The following KLHL10 variants were observed in gnomAD, a reference collection of about 807,000 sequenced individuals.
KLHL10 encodes kelch like family member 10, also known as kelch-like protein 10.
Under a neutral mutation model 46.6 loss-of-function variants are expected in KLHL10, and 11 were observed. That is an observed-to-expected ratio of 0.24 (90% confidence interval 0.15 to 0.39). The LOEUF (loss-of-function observed/expected upper bound fraction) is 0.39, where lower values mean the gene tolerates loss of function less well. Among genes scored for constraint, KLHL10 ranks in the 10% least tolerant of loss-of-function variants. KLHL10 has a pLI of 1.00. For missense variants in KLHL10, 475 were observed against 789.8 expected (o/e 0.60, Z 4.78); for synonymous variants, 254 against 279.1 (o/e 0.91, Z 0.90).
chr17:41,835,814 C>T (rs781997906), upstream of KLHL10: 49 of 1,542,762 alleles, frequency 3.2e-5, no homozygotes, highest in East Asian at 1.0e-3. Context: ...GGAAGCCTCT[C>T]CAGCCGCCCC....
Position 41,842,196 on chromosome 17 carries a change from A to T in KLHL10, c.568A>T (p.Ile190Phe), listed in dbSNP as rs781985566. The change falls in exon 2 of 5, where the codon ATT (isoleucine) becomes TTT (phenylalanine). Residue 190 changes from isoleucine (I) to phenylalanine (F), a missense_variant. Transcript: ENST00000293303. The stretch of plus-strand genomic sequence containing the variant: ...CTCGGTCACTGAACTTAAGGATATC[A>T]TTGAGAAAGATGAGCTCAATGTCAA... ...ELSVTELKDI[I>F]EKDELNVKQE... 4 of 1,613,956 alleles carry T rather than the reference A, an allele frequency of 2.5e-6. No homozygotes were observed. Among genetic ancestry groups the T allele is most frequent in the Non-Finnish European group, 2.5e-6 (3 of 1,179,866 alleles).
chr17:41,846,867 C>A (rs1355765918), intron 3 of KLHL10, among the ~76,000 whole-genome samples: 1 of 152,138 alleles, frequency 6.6e-6, no homozygotes, highest in Non-Finnish European at 1.5e-5. Context: ...GTAATCCTAG[C>A]ACTTTGGGAG....
rs1555620345 is a variant in KLHL10, at chr17:41,837,954, G to A, written c.22G>A (p.Ala8Thr). Residue 8 changes from alanine (A) to threonine (T), a missense_variant, in exon 1 of 5, where the codon GCC (alanine) becomes ACC (threonine). Coordinates refer to ENST00000293303, the MANE Select transcript of KLHL10 (RefSeq NM_152467.5). Reference protein sequence around the residue: MEMESAAASTRFHQPHME... With the variant: MEMESAATSTRFHQPHME... ...TGCCATGGAGATGGAGAGCGCGGCG[G>A]CCTCCACACGTTTCCACCAGCCTCA... The A allele has an allele frequency of 1.9e-6, 3 of 1,614,018 alleles. No homozygotes were observed. Among genetic ancestry groups the A allele is most frequent in the Non-Finnish European group, 2.5e-6 (3 of 1,180,012 alleles).
At chr17:41,838,209 C>T (rs1555620398) in intron 1 of KLHL10, 83 bp downstream of exon 1, 3 of 1,224,452 alleles carry the variant, frequency 2.5e-6, no homozygotes, top group Non-Finnish European at 3.6e-6. Flanking sequence ...TTTCCCACCC[C>T]ATCACCTTAA....
At chr17:41,839,860 G>A (rs2048208744) in intron 1 of KLHL10, among the ~76,000 whole-genome samples, 1 of 150,090 alleles carries the variant, frequency 6.7e-6, no homozygotes, top group Non-Finnish European at 1.5e-5. Context: ...TTACAGCTGT[G>A]TGCCACCACA....
chr17:41,836,182 C>G (rs1181226900), upstream of KLHL10: 14 of 1,280,114 alleles, frequency 1.1e-5, no homozygotes, highest in Non-Finnish European at 1.2e-5. Context: ...CCCTCCTCAC[C>G]TCCTCTGCCA....
rs527556013 is a variant in KLHL10 at position 41,840,847 on chromosome 17, G to A, written c.195-976G>A. ...AAAGGAAGCAAAAGCCGGGCATGGTGGCTCACCCGTGTAATCCCAGCACTT... is the reference window on the plus strand; with the variant it reads ...AAAGGAAGCAAAAGCCGGGCATGGTAGCTCACCCGTGTAATCCCAGCACTT... On this transcript the variant is annotated intron_variant, in intron 1 of 4. Transcript: ENST00000293303. 1.2e-4 allele frequency among the ~76,000 whole-genome samples: 19 copies of A among 152,200 alleles called. No individual in the cohort carries two copies. In the East Asian group the frequency reaches 3.7e-3, roughly 29 times the overall value.
At position 41,848,165 on chromosome 17, in the gene KLHL10, T is replaced by C; in HGVS notation, c.1685T>C (p.Ile562Thr). 3.1e-6 allele frequency: 5 copies of C among 1,614,164 alleles called. No individual in the cohort carries two copies. Among genetic ancestry groups the C allele is most frequent in the Non-Finnish European group, 4.2e-6 (5 of 1,180,032 alleles). ...DEWYDAHDMS[I>T]YRSALSCCVV... ...TGGTATGATGCTCATGACATGAGTATATACCGCAGTGCTCTGAGCTGCTGT... is the reference window on the plus strand; with the variant it reads ...TGGTATGATGCTCATGACATGAGTACATACCGCAGTGCTCTGAGCTGCTGT... Residue 562 changes from isoleucine to threonine, a missense_variant, in exon 5 of 5, where the codon ATA becomes ACA. Physicochemically the swap from Ile to Thr is moderately conservative, Grantham distance 89 (BLOSUM62 -1). Transcript: ENST00000293303.
upstream of KLHL10, chr17:41,835,874 G>A (rs782623006): frequency 1.4e-5 from 22 of 1,608,666 alleles, no homozygotes; most frequent in Admixed American, 1.7e-5. Flanking sequence ...ACCGGTCTCC[G>A]CCGCCCTTGC....
Position 41,848,195 on chromosome 17 carries a change from T to C in KLHL10, c.1715T>C (p.Val572Ala). 5 of 1,614,128 alleles carry C rather than the reference T, an allele frequency of 3.1e-6. No homozygotes were observed. Among genetic ancestry groups the C allele is most frequent in the Non-Finnish European group, 4.2e-6 (5 of 1,180,028 alleles). ...CGCAGTGCTCTGAGCTGCTGTGTAG[T>C]ACCAGGGCTGGCCAATGTTGAGGAA... ...IYRSALSCCV[V>A]PGLANVEEYA... The change falls in exon 5 of 5, where the codon GTA becomes GCA. Residue 572 changes from valine (V) to alanine (A), a missense_variant. Transcript: ENST00000293303.
At position 41,848,209 on chromosome 17, in the gene KLHL10, A is replaced by C. The variant is rs1555621711; in HGVS notation, c.1729A>C (p.Asn577His). 1 of 1,614,126 alleles carries C rather than the reference A, an allele frequency of 6.2e-7. No individual in the cohort carries two copies. ...LSCCVVPGLA[N>H]VEEYAARRDN... ...CTGCTGTGTAGTACCAGGGCTGGCC[A>C]ATGTTGAGGAATATGCAGCTAGACG... is the stretch of plus-strand genomic sequence containing the variant. Residue 577 changes from asparagine (N) to histidine (H), a missense_variant, in exon 5 of 5, where the codon AAT (asparagine) becomes CAT (histidine). By Grantham distance (68) the Asn-to-His change is moderately conservative. Coordinates refer to ENST00000293303, the MANE Select transcript of KLHL10 (RefSeq NM_152467.5).
At chr17:41,836,633 G>C (rs111264802), upstream of KLHL10, among the ~76,000 whole-genome samples, 3 of 152,150 alleles carry the variant, frequency 2.0e-5, no homozygotes, top group Non-Finnish European at 4.4e-5. Context: ...GACCAGCCTG[G>C]GCAATATGAC....
rs1312592498 is a variant in KLHL10, at chr17:41,838,630, TC to T, written c.194+505del. Among the ~76,000 whole-genome samples the T allele has an allele frequency of 7.2e-3, 405 of 56,598 alleles. 1 individual carries two copies. The highest frequency in any genetic ancestry group is 0.022 in the African/African-American group (356 of 16,092). 37.1% of individuals were successfully genotyped at this position (56,598 alleles called of 152,430 possible). A position where few individuals can be genotyped will look rare whatever the true frequency, so the allele number is the denominator to read the frequency against. The stretch of plus-strand genomic sequence containing the variant: ...ATGACTAGGGTCAGGGCCTTTTTTC[TC>T]TCTTTTTTTTTTTTGTTTGTTTTGT... On this transcript the variant is annotated intron_variant, in intron 1 of 4. Transcript: ENST00000293303.
upstream of KLHL10, chr17:41,836,457 G>A (rs1555620099): frequency 1.0e-6 from 1 of 984,962 alleles, no homozygotes; most frequent in Admixed American, 6.2e-5. Flanking sequence ...TGGGTAGGTA[G>A]GGTTCTGCCA....
At chr17:41,845,981 G>A (rs1161106790) in intron 3 of KLHL10, among the ~76,000 whole-genome samples, 3 of 152,150 alleles carry the variant, frequency 2.0e-5, no homozygotes, top group Non-Finnish European at 4.4e-5. Context: ...GGAGGCCGAG[G>A]CAAGCAGATC....
intron 3 of KLHL10, 82 bp downstream of exon 3, chr17:41,845,825 G>A (rs555667559): frequency 1.7e-4 from 268 of 1,562,748 alleles, no homozygotes; most frequent in Non-Finnish European, 2.3e-4. Flanking sequence ...GGGGTGGATG[G>A]AAGACGCAGT....
At position 41,847,349 on chromosome 17, in the gene KLHL10, C is replaced by T. The variant is rs1406947291; in HGVS notation, c.1391C>T (p.Ala464Val). The stretch of plus-strand genomic sequence containing the variant: ...GAAAGTAATCAGTGGACAGTCATAG[C>T]ACCCATGAGAAGCAGGAGGAGTGGA... The part of the protein sequence containing the change: ...NTESNQWTVI[A>V]PMRSRRSGIG... Residue 464 changes from alanine (A) to valine (V), a missense_variant, in exon 4 of 5, where the codon GCA (alanine) becomes GTA (valine). Coordinates refer to ENST00000293303, the MANE Select transcript of KLHL10 (RefSeq NM_152467.5). 2 of 1,613,860 alleles carry T rather than the reference C, an allele frequency of 1.2e-6. No individual in the cohort carries two copies. The highest frequency in any genetic ancestry group is 2.7e-5 in the African/African-American group (2 of 74,850).
chr17:41,847,508 A>G (rs1212618964), intron 4 of KLHL10, 98 bp downstream of exon 4: 5 of 1,465,300 alleles, frequency 3.4e-6, no homozygotes, highest in Non-Finnish European at 4.7e-6. Flanking sequence ...GTATTTGAAA[A>G]GCTTTTTTTT....
upstream of KLHL10, chr17:41,836,257 C>G: frequency 9.8e-7 from 1 of 1,022,624 alleles, no homozygotes; most frequent in Non-Finnish European, 1.2e-6. Flanking sequence ...ACTGCGCAGG[C>G]GTCGCCTCCC....
Sources: gnomAD v4.1 joint callset for allele counts (sites outside exome capture counted in the v4.1 genomes callset) on GRCh38, gnomAD v4.1.1 for gene constraint, MANE v1.5 for transcripts, NCBI Gene and HGNC (gene_info 2026-07-23, HGNC 2026-07-21) for gene names.